The following RICTOR variants were observed in gnomAD, a reference collection of about 807,000 sequenced individuals.
RICTOR encodes the protein rapamycin-insensitive companion of mTOR.
A neutral mutation model predicts 214.9 loss-of-function variants in RICTOR; 49 were observed. That is an observed-to-expected ratio of 0.23 (90% CI 0.18 to 0.29). The LOEUF (loss-of-function observed/expected upper bound fraction) is 0.29. Ranked by LOEUF, RICTOR falls within the 10% of genes least tolerant of loss-of-function variation. The pLI is 1.00. For missense variants in RICTOR, 1,625 were observed against 2,047.0 expected, an observed-to-expected ratio of 0.79 and a Z score of 3.98; for synonymous variants, 717 against 711.3, an observed-to-expected ratio of 1.01 and a Z score of -0.13.
chr5:39,000,443 A>C (rs1753527025), intron 5 of RICTOR, among the ~76,000 whole-genome samples: 3 of 152,026 alleles, frequency 2.0e-5, no homozygotes, highest in African/African-American at 7.2e-5. Flanking sequence ...ATTAAGTTAC[A>C]TATAAAGAGA....
chr5:38,951,663 C>A (rs1166630848), intron 30 of RICTOR, among the ~76,000 whole-genome samples: 2 of 151,882 alleles, frequency 1.3e-5, no homozygotes, highest in African/African-American at 4.8e-5. Context: ...AAGAACCATG[C>A]CTTAAATTTT....
At position 39,047,251 on chromosome 5, in the gene RICTOR, G is replaced by C. The variant is rs146119251; in HGVS notation, c.98-26115C>G. Among the ~76,000 whole-genome samples, 582 of 152,184 alleles carry C rather than the reference G, an allele frequency of 3.8e-3. 2 individuals carry two copies. Among genetic ancestry groups the C allele is most frequent in the Admixed American group, 6.8e-3 (104 of 15,274 alleles). On this transcript the variant is annotated intron_variant, in intron 2 of 37. Transcript: ENST00000357387. ...AGTTTTTCAATGGACAGGGTCAAGTGGGGGGGATGGTTTCAGATGAAATTG... is the reference window on the plus strand; with the variant it reads ...AGTTTTTCAATGGACAGGGTCAAGTCGGGGGGATGGTTTCAGATGAAATTG...
chr5:38,977,316 T>C (rs1419514819), intron 9 of RICTOR, among the ~76,000 whole-genome samples: 1 of 152,206 alleles, frequency 6.6e-6, no homozygotes, highest in Non-Finnish European at 1.5e-5. Context: ...CAAACTGTGA[T>C]CTAATAAACT....
intron 14 of RICTOR, 76 bp from the exon 15 acceptor site, chr5:38,966,797 C>CA (rs1403220555): frequency 4.3e-4 from 271 of 634,576 alleles, no homozygotes; most frequent in African/African-American, 1.2e-3. Context: ...ATTTATTTTT[C>CA]AAAATTTTTT....
At chr5:38,944,419 T>C in intron 36 of RICTOR, 27 bp downstream of exon 36, 2 of 1,582,432 alleles carry the variant, frequency 1.3e-6, no homozygotes, top group East Asian at 2.2e-5. Flanking sequence ...AATAAACAAA[T>C]AATACTCATG....
At chr5:39,048,894 A>G (rs1561062284) in intron 2 of RICTOR, among the ~76,000 whole-genome samples, 1 of 152,208 alleles carries the variant, frequency 6.6e-6, no homozygotes, top group South Asian at 2.1e-4. Context: ...TAGACCTTAG[A>G]AAAGTCTACA....
chr5:38,975,968 A>G (rs980210220), intron 9 of RICTOR, among the ~76,000 whole-genome samples: 13 of 152,206 alleles, frequency 8.5e-5, no homozygotes, highest in African/African-American at 2.9e-4. Context: ...CTTAATTTTA[A>G]TCACACACAC....
chr5:38,995,092 G>A (rs1280378138), intron 6 of RICTOR, among the ~76,000 whole-genome samples: 3 of 152,126 alleles, frequency 2.0e-5, no homozygotes, highest in Non-Finnish European at 2.9e-5. Flanking sequence ...CAAAATTAAA[G>A]AGAGTTGCAA....
At chr5:39,002,734 C>A (rs1283852199) in intron 4 of RICTOR, 68 bp from the exon 5 acceptor site, 4 of 1,467,198 alleles carry the variant, frequency 2.7e-6, no homozygotes, top group Non-Finnish European at 3.7e-6. Flanking sequence ...ATTATATTAC[C>A]AAATTATTCC....
At chr5:39,040,369 A>C (rs1757076450) in intron 2 of RICTOR, among the ~76,000 whole-genome samples, 1 of 151,722 alleles carries the variant, frequency 6.6e-6, no homozygotes, top group Non-Finnish European at 1.5e-5. Flanking sequence ...CTAATGTTAA[A>C]TGACGAGTTA....
intron 2 of RICTOR, among the ~76,000 whole-genome samples, chr5:39,054,682 T>C (rs1486208830): frequency 6.6e-6 from 1 of 152,204 alleles, no homozygotes; most frequent in Non-Finnish European, 1.5e-5. Context: ...TGCAACTAAC[T>C]GGAGGTTCTT....
chr5:39,017,539 G>GT (rs1018829356), intron 3 of RICTOR, among the ~76,000 whole-genome samples: 41 of 150,636 alleles, frequency 2.7e-4, no homozygotes, highest in African/African-American at 7.3e-4. Context: ...TTTAAAAGCT[G>GT]TTTTTTAAAA....
At chr5:39,031,798 A>C (rs775636795) in intron 2 of RICTOR, among the ~76,000 whole-genome samples, 3 of 152,214 alleles carry the variant, frequency 2.0e-5, no homozygotes, top group Non-Finnish European at 4.4e-5. Context: ...CTGATATGGA[A>C]TTATGTCTTT....
chr5:38,975,931 T>C (rs1021907014), intron 9 of RICTOR, among the ~76,000 whole-genome samples: 1 of 152,226 alleles, frequency 6.6e-6, no homozygotes, highest in African/African-American at 2.4e-5. Flanking sequence ...GGCTGCCCCT[T>C]AGCAAAGAAA....
chr5:38,971,589 G>T, intron 11 of RICTOR: 1 of 172,882 alleles, frequency 5.8e-6, no homozygotes, highest in Non-Finnish European at 1.2e-5. Context: ...CACCATGTTG[G>T]TCAGGCTGGT....
In RICTOR at chr5:39,046,439, C is replaced by CTTT. The variant is rs33965533; in HGVS notation, c.98-25306_98-25304dup. Among the ~76,000 whole-genome samples, 944 of 138,812 alleles carry CTTT rather than the reference C, an allele frequency of 6.8e-3. 51 individuals carry two copies. The East Asian group carries it at 0.12, about 17-fold the overall frequency. 91.1% of individuals were successfully genotyped at this position (138,812 alleles called of 152,430 possible). A position where few individuals can be genotyped will look rare whatever the true frequency, so the allele number is the denominator to read the frequency against. On this transcript the variant is annotated intron_variant, in intron 2 of 37. Transcript: ENST00000357387. ...ATTGTTTTCTATCTTTGAAATATTA[C>CTTT]TTTTTTTTTTTTTTTGCCAAATCTG...
At position 38,947,288 on chromosome 5, in the gene RICTOR, C is replaced by G. The variant is rs150986365; in HGVS notation, c.4290G>C (p.Pro1430=). Residue 1430 remains proline (P), a synonymous_variant, in exon 32 of 38, where the codon CCG becomes CCC. Transcript: ENST00000357387. ...CCTGGAATATATCATTTATATCCAC[C>G]GGGAGAGCAAGACCAATGTAATCAT... is the stretch of plus-strand genomic sequence containing the variant. ...GSDDYIGLAL[P]VDINDIFQVK... is the part of the protein sequence containing the mutation. The G allele has an allele frequency of 6.2e-7, 1 of 1,611,398 alleles. No individual in the cohort carries two copies. The highest frequency in any genetic ancestry group is 8.5e-7 in the Non-Finnish European group (1 of 1,178,252).
chr5:39,046,126 G>T (rs2150178444), intron 2 of RICTOR, among the ~76,000 whole-genome samples: 1 of 151,546 alleles, frequency 6.6e-6, no homozygotes, highest in Non-Finnish European at 1.5e-5. Context: ...AAGTTGGGAG[G>T]ATTTCTTGAG....
intron 36 of RICTOR, chr5:38,944,085 ATTAAT>A: frequency 2.7e-6 from 1 of 371,230 alleles, no homozygotes; most frequent in South Asian, 2.1e-5. Flanking sequence ...CCTAACATGC[ATTAAT>A]TTATTTTAAA....
Sources: allele counts gnomAD v4.1 joint callset (sites outside exome capture counted in the v4.1 genomes callset), GRCh38; gene constraint gnomAD v4.1.1; transcripts MANE v1.5; gene names NCBI Gene and HGNC (gene_info 2026-07-23, HGNC 2026-07-21).